Variants in IL1RAPL1 observed in about 807,000 individuals in gnomAD.
IL1RAPL1 encodes the protein interleukin 1 receptor accessory protein like 1.
A neutral mutation model predicts 48.4 loss-of-function variants in IL1RAPL1; 3 were observed. That is an observed-to-expected ratio of 0.06 (90% CI 0.03 to 0.16). The LOEUF (loss-of-function observed/expected upper bound fraction) is 0.16, where lower values mean the gene tolerates loss of function less well. Ranked by LOEUF, IL1RAPL1 falls within the 10% of genes least tolerant of loss-of-function variation. IL1RAPL1 has a pLI of 1.00. For missense variants in IL1RAPL1, 349 were observed against 530.6 expected (o/e 0.66, Z 3.36); for synonymous variants, 185 against 187.7 (o/e 0.99, Z 0.12).
At chrX:29,252,157 C>T (rs1007578899) in intron 2 of IL1RAPL1, among the ~76,000 whole-genome samples, 3 of 112,640 alleles carry the variant, frequency 2.7e-5, no homozygotes, top group Admixed American at 1.8e-4. Flanking sequence ...GGAGATATAC[C>T]TAATGCTAGA....
intron 2 of IL1RAPL1, among the ~76,000 whole-genome samples, chrX:29,146,921 T>C (rs1929363066): frequency 8.9e-6 from 1 of 112,481 alleles, no homozygotes; most frequent in African/African-American, 3.2e-5. Context: ...AGAAGCAACC[T>C]AACTCTGAGA....
intron 3 of IL1RAPL1, among the ~76,000 whole-genome samples, chrX:29,324,531 T>A (rs1332475759): frequency 8.9e-6 from 1 of 111,893 alleles, no homozygotes; most frequent in Non-Finnish European, 1.9e-5. Flanking sequence ...GCAGGAACTC[T>A]CTCTGGTATG....
intron 5 of IL1RAPL1, among the ~76,000 whole-genome samples, chrX:29,601,104 G>A (rs974021134): frequency 8.9e-6 from 1 of 111,949 alleles, no homozygotes; most frequent in African/African-American, 3.2e-5. Flanking sequence ...CCACAAAGGT[G>A]TAATTTTTTA....
intron 1 of IL1RAPL1, among the ~76,000 whole-genome samples, chrX:28,705,832 T>C (rs1218694555): frequency 1.8e-5 from 2 of 112,283 alleles, no homozygotes; most frequent in Non-Finnish European, 3.8e-5. Context: ...ATATCAGAAT[T>C]ATCCAGTAGC....
At chrX:29,279,368 G>A (rs1284082381) in intron 2 of IL1RAPL1, among the ~76,000 whole-genome samples, 3 of 110,605 alleles carry the variant, frequency 2.7e-5, no homozygotes, top group Admixed American at 9.6e-5. Flanking sequence ...CCTGGGAGGC[G>A]GAGGTTGCAG....
chrX:29,932,471 C>T (rs932080737), intron 8 of IL1RAPL1, among the ~76,000 whole-genome samples: 2 of 111,881 alleles, frequency 1.8e-5, no homozygotes, highest in Non-Finnish European at 3.8e-5. Context: ...AAAAAGATAA[C>T]ATATTCTAGC....
chrX:29,678,524 TTG>T (rs111394018), intron 6 of IL1RAPL1, among the ~76,000 whole-genome samples: 15,797 of 100,876 alleles, frequency 0.16, 1,635 homozygotes, highest in African/African-American at 0.34. Context: ...CTGGCTAATT[TTG>T]TGTGTGTGTG....
chrX:29,701,076 A>G, intron 6 of IL1RAPL1, among the ~76,000 whole-genome samples: 1 of 111,868 alleles, frequency 8.9e-6, no homozygotes, highest in Admixed American at 9.5e-5. Context: ...TGCTCTACCC[A>G]AATTTTCAAT....
At chrX:28,942,109 T>A (rs1267972587) in intron 2 of IL1RAPL1, 1 of 110,060 alleles carries the variant, frequency 9.1e-6, no homozygotes, top group African/African-American at 3.3e-5. Context: ...AGATGAAATT[T>A]AGTTTGTTCA....
At chrX:29,826,111 C>T (rs1272717940) in intron 6 of IL1RAPL1, among the ~76,000 whole-genome samples, 1 of 111,645 alleles carries the variant, frequency 9.0e-6, no homozygotes, top group Non-Finnish European at 1.9e-5. Context: ...CATTGTCATG[C>T]GTCCAATCCT....
At chrX:29,750,458 A>G (rs1928431216) in intron 6 of IL1RAPL1, among the ~76,000 whole-genome samples, 1 of 111,824 alleles carries the variant, frequency 8.9e-6, no homozygotes, top group South Asian at 3.7e-4. Context: ...CTATGGTATA[A>G]TTTTGAGAAA....
At position 29,543,435 on chromosome X, in the gene IL1RAPL1, G is replaced by A. The variant is rs374616216; in HGVS notation, c.704-124995G>A. Among the ~76,000 whole-genome samples the A allele has an allele frequency of 1.3e-4, 14 of 110,161 alleles. No homozygotes were observed. In the East Asian group the frequency reaches 2.3e-3, roughly 18 times the overall value. The stretch of plus-strand genomic sequence containing the variant: ...CTTGGATTGTCTGGTGTTCTAAAGC[G>A]TTTTTTAAAAGACATATATGAGATT... On this transcript the variant is annotated intron_variant, in intron 5 of 10. Transcript: ENST00000378993.
intron 6 of IL1RAPL1, among the ~76,000 whole-genome samples, chrX:29,717,375 T>C (rs960212311): frequency 8.9e-6 from 1 of 111,999 alleles, no homozygotes; most frequent in Admixed American, 9.5e-5. Context: ...GAAATGCGTG[T>C]TTTAAATTAC....
chrX:29,869,856 G>A (rs1931767164), intron 6 of IL1RAPL1, among the ~76,000 whole-genome samples: 1 of 110,398 alleles, frequency 9.1e-6, no homozygotes, highest in African/African-American at 3.3e-5. Context: ...ACAGCAGAGG[G>A]GGCAAGCAGA....
intron 2 of IL1RAPL1, among the ~76,000 whole-genome samples, chrX:29,133,128 A>G: frequency 9.0e-6 from 1 of 111,530 alleles, no homozygotes; most frequent in East Asian, 2.8e-4. Flanking sequence ...GGTATTAGCA[A>G]CCTCATATTC....
At chrX:29,384,045 A>G (rs1213587704) in intron 3 of IL1RAPL1, among the ~76,000 whole-genome samples, 1 of 112,063 alleles carries the variant, frequency 8.9e-6, no homozygotes, top group Non-Finnish European at 1.9e-5. Context: ...CTTTTACCTC[A>G]TGGGAGACTT....
chrX:29,049,906 A>C (rs938303670), intron 2 of IL1RAPL1, among the ~76,000 whole-genome samples: 10 of 112,287 alleles, frequency 8.9e-5, no homozygotes, highest in African/African-American at 2.9e-4. Flanking sequence ...TTGATAAATT[A>C]CTGTAAACTA....
chrX:29,583,303 GT>G (rs1923041418), intron 5 of IL1RAPL1, among the ~76,000 whole-genome samples: 1 of 46,277 alleles, frequency 2.2e-5, no homozygotes, highest in Non-Finnish European at 3.9e-5. Context: ...CGACATGATT[GT>G]TTATCTAGAA....
intron 9 of IL1RAPL1, among the ~76,000 whole-genome samples, chrX:29,943,671 T>C (rs971119999): frequency 1.8e-5 from 2 of 112,436 alleles, no homozygotes; most frequent in African/African-American, 6.5e-5. Context: ...GTTTTGAATA[T>C]GTTTATTTTG....
Sources: gnomAD v4.1 joint callset for allele counts (sites outside exome capture counted in the v4.1 genomes callset) on GRCh38, gnomAD v4.1.1 for gene constraint, MANE v1.5 for transcripts, NCBI Gene and HGNC (gene_info 2026-07-23, HGNC 2026-07-21) for gene names.